PRKCH: variants seen among roughly 807,000 people sequenced by gnomAD.
PRKCH encodes protein kinase C eta.
In PRKCH, 28 loss-of-function variants were observed where a neutral mutation model predicts 82.5. The observed-to-expected ratio is 0.34, with a 90% confidence interval of 0.25 to 0.47. The LOEUF (loss-of-function observed/expected upper bound fraction) is 0.47, where lower values mean the gene tolerates loss of function less well. Among genes scored for constraint, PRKCH ranks in the 20% least tolerant of loss-of-function variants. PRKCH has a pLI of 1.00. For missense variants in PRKCH, 705 were observed against 881.8 expected, an observed-to-expected ratio of 0.80 and a Z score of 2.54; for synonymous variants, 322 against 327.4, an observed-to-expected ratio of 0.98 and a Z score of 0.18.
At chr14:61,502,535 T>C (rs140715717) in intron 10 of PRKCH, among the ~76,000 whole-genome samples, 2 of 152,252 alleles carry the variant, frequency 1.3e-5, no homozygotes, top group African/African-American at 2.4e-5. Context: ...CTGCTCCAGG[T>C]AGAGCAGTTG....
At chr14:61,330,028 G>C (rs899066050) in intron 1 of PRKCH, among the ~76,000 whole-genome samples, 1 of 152,200 alleles carries the variant, frequency 6.6e-6, no homozygotes, top group Non-Finnish European at 1.5e-5. Context: ...TAAGTACCAG[G>C]CATTGTGCTC....
At chr14:61,304,660 TA>T (rs111426448) in intron 1 of PRKCH, 58,637 of 145,550 alleles carry the variant, frequency 0.4, 12,488 homozygotes, top group African/African-American at 0.58. Flanking sequence ...ACCCCATCTC[TA>T]AAAAAAAAAA....
At chr14:61,465,798 C>G (rs1885227050) in intron 9 of PRKCH, among the ~76,000 whole-genome samples, 1 of 152,134 alleles carries the variant, frequency 6.6e-6, no homozygotes, top group Admixed American at 6.5e-5. Flanking sequence ...GAATTTTCAG[C>G]CAGTCAAGAG....
intron 12 of PRKCH, among the ~76,000 whole-genome samples, chr14:61,545,931 C>T (rs1409822609): frequency 6.6e-6 from 1 of 152,200 alleles, no homozygotes; most frequent in Non-Finnish European, 1.5e-5. Context: ...ACAGGCTGTA[C>T]CCACCCATTC....
intron 12 of PRKCH, among the ~76,000 whole-genome samples, chr14:61,532,839 G>T (rs2043057649): frequency 6.6e-6 from 1 of 152,198 alleles, no homozygotes; most frequent in Non-Finnish European, 1.5e-5. Flanking sequence ...CTCCTTGCAG[G>T]TTCACTTTTG....
At chr14:61,334,597 C>T (rs1274717647) in intron 1 of PRKCH, among the ~76,000 whole-genome samples, 1 of 152,110 alleles carries the variant, frequency 6.6e-6, no homozygotes, top group Non-Finnish European at 1.5e-5. Flanking sequence ...ACAAGCTTGG[C>T]AGGTGGAAAA....
intron 1 of PRKCH, among the ~76,000 whole-genome samples, chr14:61,313,741 A>C (rs2140111244): frequency 6.6e-6 from 1 of 152,250 alleles, no homozygotes; most frequent in South Asian, 2.1e-4. Context: ...AGGTGAAGAG[A>C]GCTTGTGTAG....
intron 12 of PRKCH, among the ~76,000 whole-genome samples, chr14:61,534,549 A>G (rs942775527): frequency 3.9e-5 from 6 of 152,224 alleles, no homozygotes; most frequent in African/African-American, 1.4e-4. Flanking sequence ...GCATAGTTCT[A>G]AAAACAGTAG....
At chr14:61,201,240 A>G (rs1056460325) in intron 1 of PRKCH, among the ~76,000 whole-genome samples, 3 of 152,202 alleles carry the variant, frequency 2.0e-5, no homozygotes, top group South Asian at 2.1e-4. Context: ...CTAATGCTTT[A>G]TAGATTATTT....
intron 9 of PRKCH, among the ~76,000 whole-genome samples, chr14:61,461,939 G>A (rs1351316792): frequency 6.6e-6 from 1 of 152,216 alleles, no homozygotes; most frequent in Non-Finnish European, 1.5e-5. Flanking sequence ...TGACCACAAG[G>A]TGGCAGTCAT....
chr14:61,224,787 C>T (rs944285252), intron 1 of PRKCH, among the ~76,000 whole-genome samples: 2 of 152,210 alleles, frequency 1.3e-5, no homozygotes, highest in African/African-American at 4.8e-5. Context: ...CCCACCCTCT[C>T]TTTTCATGTT....
intron 4 of PRKCH, among the ~76,000 whole-genome samples, chr14:61,447,684 A>T (rs1056535420): frequency 6.6e-6 from 1 of 152,214 alleles, no homozygotes; most frequent in East Asian, 1.9e-4. Flanking sequence ...GTCACATTCT[A>T]AGTAACACAT....
At chr14:61,455,994 G>A (rs1296500657) in intron 7 of PRKCH, among the ~76,000 whole-genome samples, 1 of 152,170 alleles carries the variant, frequency 6.6e-6, no homozygotes. Flanking sequence ...AGTTGGCTGT[G>A]TATCAGAAGT....
chr14:61,322,539 G>C lies in PRKCH; in HGVS notation c.363+75G>C, dbSNP rs2045641594. On this transcript the variant is annotated intron_variant, in intron 1 of 13. Coordinates refer to ENST00000332981, the MANE Select transcript of PRKCH (RefSeq NM_006255.5). ...CTTATGTTTTTCAAAACTCACCCGG[G>C]TCCCGCTTTCCCATCGCTTTGTGGC... 4.0e-6 allele frequency: 6 copies of C among 1,508,006 alleles called. No individual in the cohort carries two copies. The South Asian group carries it at 5.2e-5, about 13-fold the overall frequency. The allele number at this position is 1,508,006 out of a possible 1,614,324, so 93.4% of individuals were successfully genotyped here.
chr14:61,230,875 C>T (rs983027016), intron 1 of PRKCH, among the ~76,000 whole-genome samples: 9 of 152,192 alleles, frequency 5.9e-5, no homozygotes, highest in Non-Finnish European at 1.3e-4. Context: ...GTGTGAATTA[C>T]TTAGTATGGT....
chr14:61,408,527 T>C (rs1209143577), intron 2 of PRKCH, among the ~76,000 whole-genome samples: 1 of 152,202 alleles, frequency 6.6e-6, no homozygotes, highest in Admixed American at 6.5e-5. Flanking sequence ...GACTTGGTTC[T>C]GCTGCCTGTC....
intron 10 of PRKCH, among the ~76,000 whole-genome samples, chr14:61,514,841 C>T (rs1333994323): frequency 3.9e-5 from 6 of 152,154 alleles, no homozygotes; most frequent in Non-Finnish European, 5.9e-5. Flanking sequence ...CATATAACAG[C>T]CCAGACGGGA....
intron 4 of PRKCH, among the ~76,000 whole-genome samples, chr14:61,446,535 A>G (rs2140280841): frequency 6.6e-6 from 1 of 152,382 alleles, no homozygotes; most frequent in East Asian, 1.9e-4. Flanking sequence ...CTTCTGGAAG[A>G]TGTGAGGTAA....
At chr14:61,338,620 G>A (rs533417555) in intron 1 of PRKCH, among the ~76,000 whole-genome samples, 3 of 152,212 alleles carry the variant, frequency 2.0e-5, no homozygotes, top group African/African-American at 4.8e-5. Context: ...GACAGCCTGC[G>A]CTTGATAAGA....
Sources: gnomAD v4.1 joint callset for allele counts (sites outside exome capture counted in the v4.1 genomes callset) on GRCh38, gnomAD v4.1.1 for gene constraint, MANE v1.5 for transcripts, NCBI Gene and HGNC (gene_info 2026-07-23, HGNC 2026-07-21) for gene names.